Variants in VPS45 observed in about 807,000 individuals in gnomAD.
The protein encoded by VPS45 is vacuolar protein sorting 45 homolog, also known as vacuolar protein sorting-associated protein 45.
In VPS45, 35 loss-of-function variants were observed where a neutral mutation model predicts 75.9. That is an observed-to-expected ratio of 0.46 (90% CI 0.35 to 0.61). The LOEUF (loss-of-function observed/expected upper bound fraction) is 0.61, where lower values mean the gene tolerates loss of function less well. Among genes scored for constraint, VPS45 ranks in the 20% least tolerant of loss-of-function variants. The probability of loss-of-function intolerance (pLI) is 0.00; values close to 1 mark genes in which losing one functional copy is unlikely to be tolerated. For synonymous variants in VPS45, 220 were observed against 238.2 expected (o/e 0.92, Z 0.70); for missense variants, 559 against 685.9 (o/e 0.81, Z 2.07).
chr1:150,104,454 A>G (rs1657209638), intron 13 of VPS45, among the ~76,000 whole-genome samples: 1 of 152,146 alleles, frequency 6.6e-6, no homozygotes, highest in Non-Finnish European at 1.5e-5. Flanking sequence ...TTGCTATTGT[A>G]TATAGTGCTG....
intron 6 of VPS45, 33 bp from the exon 7 acceptor site, chr1:150,077,636 G>T (rs1553798403): frequency 1.9e-5 from 27 of 1,452,842 alleles, no homozygotes; most frequent in Non-Finnish European, 2.4e-5. Context: ...TAACTAGATG[G>T]TTGCACAAAC....
At chr1:150,117,396 C>T (rs1308207561) in intron 14 of VPS45, among the ~76,000 whole-genome samples, 1 of 150,728 alleles carries the variant, frequency 6.6e-6, no homozygotes, top group African/African-American at 2.4e-5. Context: ...GTGACAGGCA[C>T]CTATAGTCCC....
intron 3 of VPS45, among the ~76,000 whole-genome samples, chr1:150,075,138 C>CTTTTT (rs34217482): frequency 2.5e-5 from 3 of 119,236 alleles, no homozygotes; most frequent in East Asian, 2.3e-4. Flanking sequence ...TTAAAATTGT[C>CTTTTT]TTTTTTTTTT....
rs190518779 is a variant in VPS45, at chr1:150,145,146, T to C, written c.*350T>C. 1 of 465,048 alleles carries C rather than the reference T, an allele frequency of 2.2e-6. No individual in the cohort carries two copies. The highest frequency in any genetic ancestry group is 3.5e-5 in the Admixed American group (1 of 28,496). 28.8% of individuals were successfully genotyped at this position (465,048 alleles called of 1,614,324 possible). ...TGATGTACATACCACACTCCTTGGC[T>C]TCCTTTCTCTTCCCTTAACCCTTTC... On this transcript the variant is annotated 3_prime_UTR_variant, in exon 15 of 15. Coordinates refer to ENST00000644510, the MANE Select transcript of VPS45 (RefSeq NM_007259.5).
intron 13 of VPS45, among the ~76,000 whole-genome samples, chr1:150,101,556 A>T (rs1270983381): frequency 6.6e-6 from 1 of 151,934 alleles, no homozygotes; most frequent in African/African-American, 2.4e-5. Flanking sequence ...CAACATGGTG[A>T]AACCCCTTCT....
chr1:150,083,407 A>G (rs1655830082), intron 10 of VPS45: 1 of 152,252 alleles, frequency 6.6e-6, no homozygotes, highest in Non-Finnish European at 1.5e-5. Context: ...TCTGAATACA[A>G]AGATGAATAA....
intron 14 of VPS45, among the ~76,000 whole-genome samples, chr1:150,116,560 T>C (rs1397675833): frequency 1.1e-4 from 17 of 152,342 alleles, no homozygotes; most frequent in African/African-American, 4.1e-4. Context: ...CCCATGCTTT[T>C]AACCACTATG....
At chr1:150,068,222 C>A (rs1334469295) in intron 1 of VPS45, 2 of 481,508 alleles carry the variant, frequency 4.2e-6, no homozygotes, top group Non-Finnish European at 7.3e-6. Context: ...ATTAATATGT[C>A]AGAGCACTTG....
Position 150,077,004 on chromosome 1 carries a change from A to C in VPS45, c.438+20A>C. 6.2e-7 allele frequency: 1 copy of C among 1,614,108 alleles called. No individual in the cohort carries two copies. The highest frequency in any genetic ancestry group is 8.5e-7 in the Non-Finnish European group (1 of 1,179,986). On this transcript the variant is annotated intron_variant, in intron 5 of 14. Coordinates refer to ENST00000644510, the MANE Select transcript of VPS45 (RefSeq NM_007259.5). Reference sequence around the variant, plus strand: ...TGCCAGGTATGGAAGGAAAGGTTTAATTTATCAGTCGAGAGTTAATTCAGC... The same window carrying C: ...TGCCAGGTATGGAAGGAAAGGTTTACTTTATCAGTCGAGAGTTAATTCAGC...
intron 14 of VPS45, among the ~76,000 whole-genome samples, chr1:150,118,571 A>G (rs1658068448): frequency 6.6e-6 from 1 of 151,844 alleles, no homozygotes; most frequent in Non-Finnish European, 1.5e-5. Flanking sequence ...ACACCTGGCT[A>G]ATTTTTGTAT....
intron 13 of VPS45, among the ~76,000 whole-genome samples, chr1:150,099,649 C>T (rs1469020889): frequency 6.6e-5 from 10 of 151,654 alleles, no homozygotes; most frequent in South Asian, 4.2e-4. Context: ...CTGGCTAACA[C>T]GATAAAACCC....
chr1:150,069,849 T>C (rs1363380867), intron 2 of VPS45, among the ~76,000 whole-genome samples: 1 of 152,200 alleles, frequency 6.6e-6, no homozygotes, highest in Non-Finnish European at 1.5e-5. Flanking sequence ...AATTTGATCA[T>C]GACACTCCTG....
chr1:150,112,594 C>CA (rs1553807378), intron 14 of VPS45, among the ~76,000 whole-genome samples: 1 of 152,054 alleles, frequency 6.6e-6, no homozygotes, highest in Non-Finnish European at 1.5e-5. Flanking sequence ...ACCATTTTTC[C>CA]AATTCTCCAG....
At chr1:150,079,222 T>C (rs1553798775) in intron 7 of VPS45, among the ~76,000 whole-genome samples, 1 of 152,112 alleles carries the variant, frequency 6.6e-6, no homozygotes, top group Non-Finnish European at 1.5e-5. Flanking sequence ...TGAAAATCCC[T>C]GTAGACTTGT....
At chr1:150,140,155 T>C (rs1244600492) in intron 14 of VPS45, among the ~76,000 whole-genome samples, 6 of 151,748 alleles carry the variant, frequency 4.0e-5, no homozygotes, top group Non-Finnish European at 5.9e-5. Flanking sequence ...CCTCCCGCCT[T>C]GGCCTCCCAA....
In VPS45 at chr1:150,067,816, AG is replaced by A. The variant is rs782274360; in HGVS notation, c.-37del. The A allele has an allele frequency of 5.0e-6, 8 of 1,594,834 alleles. No homozygotes were observed. In the Admixed American group the frequency reaches 1.2e-4, roughly 24 times the overall value. ...GACTGGGGGTTAATTTAGCCAGAAAAGGGGGCGGGAAGGGCTGTAGGGTACT... is the reference window on the plus strand; with the variant it reads ...GACTGGGGGTTAATTTAGCCAGAAAAGGGGCGGGAAGGGCTGTAGGGTACT... On this transcript the variant is annotated 5_prime_UTR_variant, in exon 1 of 15. Transcript: ENST00000644510.
chr1:150,098,606 T>C (rs1437131728), intron 13 of VPS45, among the ~76,000 whole-genome samples: 1 of 152,204 alleles, frequency 6.6e-6, no homozygotes, highest in Non-Finnish European at 1.5e-5. Context: ...ATTATTTGTC[T>C]CATCATAATA....
intron 13 of VPS45, among the ~76,000 whole-genome samples, chr1:150,093,870 C>T (rs1461444129): frequency 1.3e-5 from 2 of 152,190 alleles, no homozygotes; most frequent in African/African-American, 4.8e-5. Flanking sequence ...TTTGGAGAGC[C>T]TCAAATCCTT....
chr1:150,077,028 G>C (rs1553798250), intron 5 of VPS45, 44 bp downstream of exon 5: 2 of 1,613,302 alleles, frequency 1.2e-6, no homozygotes, highest in Admixed American at 3.3e-5. Flanking sequence ...AGTTAATTCA[G>C]CAAATAATTA....
Sources: allele counts gnomAD v4.1 joint callset (sites outside exome capture counted in the v4.1 genomes callset), GRCh38; gene constraint gnomAD v4.1.1; transcripts MANE v1.5; gene names NCBI Gene and HGNC (gene_info 2026-07-23, HGNC 2026-07-21).